ARID4B: variants seen among roughly 807,000 people sequenced by gnomAD.
ARID4B encodes the protein AT-rich interactive domain-containing protein 4B.
ARID4B carries 26 observed loss-of-function variants against 147.5 expected under a neutral mutation model. The observed-to-expected ratio is 0.18, with a 90% CI of 0.13 to 0.24. The LOEUF (loss-of-function observed/expected upper bound fraction) is 0.24, where lower values mean the gene tolerates loss of function less well. Ranked by LOEUF, ARID4B falls within the 10% of genes least tolerant of loss-of-function variation. The probability of loss-of-function intolerance (pLI) is 1.00; values close to 1 mark genes in which losing one functional copy is unlikely to be tolerated. For missense variants in ARID4B, 1,179 were observed against 1,511.5 expected (o/e 0.78, Z 3.65); for synonymous variants, 512 against 507.9 (o/e 1.01, Z -0.11).
chr1:235,231,770 G>A (rs1668253149), intron 9 of ARID4B, among the ~76,000 whole-genome samples: 1 of 152,174 alleles, frequency 6.6e-6, no homozygotes, highest in Non-Finnish European at 1.5e-5. Flanking sequence ...TTATAGGCAT[G>A]AGCCACCACA....
intron 2 of ARID4B, among the ~76,000 whole-genome samples, chr1:235,270,357 A>G (rs191869998): frequency 1.3e-3 from 193 of 152,316 alleles, no homozygotes; most frequent in African/African-American, 4.5e-3. Flanking sequence ...GATGTTATCT[A>G]TATTTCTTAA....
intron 7 of ARID4B, among the ~76,000 whole-genome samples, chr1:235,242,279 A>G (rs540583871): frequency 7.2e-5 from 11 of 152,206 alleles, no homozygotes; most frequent in African/African-American, 2.4e-4. Flanking sequence ...TTGTACTTCA[A>G]TGGCACTTAA....
chr1:235,271,345 A>C (rs1183363013), intron 2 of ARID4B, among the ~76,000 whole-genome samples: 1 of 151,518 alleles, frequency 6.6e-6, no homozygotes, highest in Non-Finnish European at 1.5e-5. Context: ...TAAAAAAATG[A>C]TAGGTCGGAT....
chr1:235,309,461 G>A (rs1294440899), intron 2 of ARID4B, among the ~76,000 whole-genome samples: 9 of 148,574 alleles, frequency 6.1e-5, no homozygotes, highest in East Asian at 6.0e-4. Context: ...CGCCCCATCC[G>A]GGAGGTAAGG....
chr1:235,185,604 A>G (rs1050911001), intron 19 of ARID4B, among the ~76,000 whole-genome samples: 11 of 152,162 alleles, frequency 7.2e-5, no homozygotes, highest in African/African-American at 2.7e-4. Flanking sequence ...TCTGTACTAG[A>G]GCTCATCGAG....
chr1:235,200,390 C>T (rs938393151), intron 17 of ARID4B, among the ~76,000 whole-genome samples: 4 of 152,042 alleles, frequency 2.6e-5, no homozygotes, highest in East Asian at 1.9e-4. Context: ...ACCCGAGAGG[C>T]GGAGGTTGCA....
rs755681504 is a variant in ARID4B at position 235,213,826 on chromosome 1, G to T, written c.1784C>A (p.Ser595Tyr). ...AAGGACCTCTCCACCTTCGACATCA[G>T]AATCTTTAATACTAGCTTCATACAT... is the stretch of plus-strand genomic sequence containing the variant. Reference protein sequence around the residue: ...QKMYEASIKDSDVEGGEVLYL... With the variant: ...QKMYEASIKDYDVEGGEVLYL... Residue 595 changes from serine (S) to tyrosine (Y), a missense_variant, in exon 17 of 24, where the codon TCT becomes TAT. Coordinates refer to ENST00000264183, the MANE Select transcript of ARID4B (RefSeq NM_016374.6). The T allele has an allele frequency of 6.2e-7, 1 of 1,613,894 alleles. No homozygotes were observed. Among genetic ancestry groups the T allele is most frequent in the Non-Finnish European group, 8.5e-7 (1 of 1,179,978 alleles).
intron 2 of ARID4B, among the ~76,000 whole-genome samples, chr1:235,323,088 T>C (rs959815511): frequency 6.6e-6 from 1 of 151,444 alleles, no homozygotes; most frequent in Non-Finnish European, 1.5e-5. Flanking sequence ...TCACCCAAGC[T>C]GGAGTGCAGT....
chr1:235,277,000 GAA>G (rs751564359), intron 2 of ARID4B, among the ~76,000 whole-genome samples: 29 of 99,508 alleles, frequency 2.9e-4, no homozygotes, highest in African/African-American at 9.4e-4. Context: ...CACCATCTCC[GAA>G]AAAAAAAAAA....
intron 15 of ARID4B, 78 bp downstream of exon 15, chr1:235,220,224 T>C (rs889994374): frequency 1.3e-5 from 17 of 1,277,182 alleles, no homozygotes; most frequent in Non-Finnish European, 1.7e-5. Flanking sequence ...TTATACAATA[T>C]ATTGATTTTG....
intron 19 of ARID4B, among the ~76,000 whole-genome samples, chr1:235,185,883 G>T (rs1487419789): frequency 2.0e-5 from 3 of 150,158 alleles, no homozygotes; most frequent in Non-Finnish European, 4.4e-5. Context: ...ATGTACTACG[G>T]TATGACTCTA....
At chr1:235,285,198 G>A (rs1424759916) in intron 2 of ARID4B, among the ~76,000 whole-genome samples, 2 of 152,024 alleles carry the variant, frequency 1.3e-5, no homozygotes, top group African/African-American at 4.8e-5. Context: ...GAGCCATCAC[G>A]CCCAGCCCAA....
intron 22 of ARID4B, among the ~76,000 whole-genome samples, chr1:235,174,115 C>T (rs1344986199): frequency 6.6e-6 from 1 of 151,838 alleles, no homozygotes; most frequent in Non-Finnish European, 1.5e-5. Context: ...CCTCGGCTCA[C>T]TGCAACCTCC....
At position 235,295,539 on chromosome 1, in the gene ARID4B, C is replaced by T. The variant is rs1390257766; in HGVS notation, c.6+31375G>A. Among the ~76,000 whole-genome samples the T allele has an allele frequency of 2.1e-5, 3 of 141,160 alleles. No homozygotes were observed. In the East Asian group the frequency reaches 6.5e-4, roughly 30 times the overall value. The allele number at this position is 141,160 out of a possible 152,430, so 92.6% of individuals were successfully genotyped here. A position where few individuals can be genotyped will look rare whatever the true frequency, so the allele number is the denominator to read the frequency against. ...ATTTAAAAAAAAAAAAGGCCAGGCACGGAGGCTCACGCCTGTAATCCCAGC... is the reference window on the plus strand; with the variant it reads ...ATTTAAAAAAAAAAAAGGCCAGGCATGGAGGCTCACGCCTGTAATCCCAGC... On this transcript the variant is annotated intron_variant, in intron 2 of 23. Transcript: ENST00000264183.
intron 10 of ARID4B, among the ~76,000 whole-genome samples, chr1:235,230,619 A>AG (rs1668155197): frequency 1.0e-5 from 1 of 96,140 alleles, no homozygotes; most frequent in Admixed American, 1.0e-4. Flanking sequence ...AAAAAAAACC[A>AG]GAAAAAAAAA....
At chr1:235,311,282 G>A (rs911035828) in intron 2 of ARID4B, among the ~76,000 whole-genome samples, 1 of 151,506 alleles carries the variant, frequency 6.6e-6, no homozygotes, top group Admixed American at 6.6e-5. Context: ...GAGCCCAGAA[G>A]GTCAAGGCTA....
intron 2 of ARID4B, among the ~76,000 whole-genome samples, chr1:235,313,288 C>T (rs1192059881): frequency 6.6e-6 from 1 of 152,082 alleles, no homozygotes; most frequent in African/African-American, 2.4e-5. Context: ...CCTCAAACGC[C>T]CAAAGTGCTA....
intron 2 of ARID4B, among the ~76,000 whole-genome samples, chr1:235,262,817 A>T (rs1030152595): frequency 5.9e-5 from 9 of 152,080 alleles, no homozygotes; most frequent in Admixed American, 2.6e-4. Flanking sequence ...TTAAAAAAAA[A>T]TTTTTATCAT....
chr1:235,313,309 C>T (rs921406042), intron 2 of ARID4B, among the ~76,000 whole-genome samples: 2 of 151,868 alleles, frequency 1.3e-5, no homozygotes, highest in Non-Finnish European at 2.9e-5. Context: ...GGATTACGGG[C>T]ATGACCCACC....
Sources: allele counts gnomAD v4.1 joint callset (sites outside exome capture counted in the v4.1 genomes callset), GRCh38; gene constraint gnomAD v4.1.1; transcripts MANE v1.5; gene names NCBI Gene and HGNC (gene_info 2026-07-23, HGNC 2026-07-21).